Variants in LRRC56 observed in about 807,000 individuals in gnomAD.
LRRC56 encodes leucine-rich repeat-containing protein 56.
LRRC56 carries 41 observed loss-of-function variants against 47.8 expected under a neutral mutation model. The ratio of observed to expected loss-of-function variants is 0.86; its 90% confidence interval spans 0.67 to 1.11. The LOEUF is 1.11. LRRC56 is among the 50% of genes most tolerant of loss of function. The pLI is 0.00. For synonymous variants in LRRC56, 387 were observed against 311.2 expected, an observed-to-expected ratio of 1.24 and a Z score of -2.56; for missense variants, 759 against 704.2, an observed-to-expected ratio of 1.08 and a Z score of -0.88.
upstream of LRRC56, chr11:533,633 G>A (rs777920233): frequency 7.4e-6 from 12 of 1,613,574 alleles, no homozygotes; most frequent in Admixed American, 1.7e-5. Flanking sequence ...GAAAGCGAGA[G>A]CTGGCTACGG....
chr11:554,498 G>A lies in LRRC56; in HGVS notation c.*222G>A, dbSNP rs1235387736. The A allele has an allele frequency of 1.1e-5, 5 of 439,638 alleles. No homozygotes were observed. The highest frequency in any genetic ancestry group is 1.0e-4 in the African/African-American group (5 of 48,980). 27.2% of individuals were successfully genotyped at this position (439,638 alleles called of 1,614,324 possible). A position where few individuals can be genotyped will look rare whatever the true frequency, so the allele number is the denominator to read the frequency against. On this transcript the variant is annotated 3_prime_UTR_variant, in exon 14 of 14. Coordinates refer to ENST00000270115, the MANE Select transcript of LRRC56 (RefSeq NM_198075.4). ...CCCCCAACTGGGTTTGGCCTGGGGA[G>A]GGAGGGTCCGGCTCCCCAGCCCTTC... is the stretch of plus-strand genomic sequence containing the variant.
chr11:541,442 C>A lies in LRRC56; in HGVS notation c.178-95C>A. 2 of 666,540 alleles carry A rather than the reference C, an allele frequency of 3.0e-6. No homozygotes were observed. The highest frequency in any genetic ancestry group is 2.8e-5 in the South Asian group (1 of 35,584). The allele number at this position is 666,540 out of a possible 1,614,324, so 41.3% of individuals were successfully genotyped here. A position where few individuals can be genotyped will look rare whatever the true frequency, so the allele number is the denominator to read the frequency against. ...AGGCAGGGAAACGTCGGTGCCTGCT[C>A]CAGCGGGAGCCCCAGAGTCCTGTAG... On this transcript the variant is annotated intron_variant, in intron 4 of 13. Coordinates refer to ENST00000270115, the MANE Select transcript of LRRC56 (RefSeq NM_198075.4). This position sits in a 1 kb window ranked among gnomAD's most constrained non-coding sequence, Gnocchi z 4.1.
intron 13 of LRRC56, 82 bp from the exon 14 acceptor site, chr11:553,881 C>G (rs753010581): frequency 1.9e-4 from 254 of 1,310,814 alleles, no homozygotes; most frequent in Non-Finnish European, 2.2e-4. Flanking sequence ...TGCAGGGCCA[C>G]GGGTGGGCTG....
the LRRC56 span, among the ~76,000 whole-genome samples, chr11:508,110 A>T: frequency 6.6e-6 from 1 of 152,252 alleles, no homozygotes; most frequent in African/African-American, 2.4e-5. Flanking sequence ...AAGGAAACTA[A>T]CGGTATCTCA....
chr11:540,334 C>T (rs1316057491), intron 3 of LRRC56, among the ~76,000 whole-genome samples: 1 of 152,214 alleles, frequency 6.6e-6, no homozygotes, highest in Non-Finnish European at 1.5e-5. Context: ...ACCCCAGGCT[C>T]ACAGCCCCTG....
upstream of LRRC56, chr11:532,813 G>A (rs1851188956): frequency 9.0e-6 from 14 of 1,553,450 alleles, no homozygotes. Context: ...GCCTGGGTGA[G>A]GGGCTCCCTG....
chr11:532,722 C>T (rs1564787942), upstream of LRRC56: 3 of 1,613,150 alleles, frequency 1.9e-6, no homozygotes, highest in Non-Finnish European at 2.5e-6. Flanking sequence ...TGCCGGATCT[C>T]ACGCACCAAC....
At chr11:532,880 A>G (rs1354027513), upstream of LRRC56, 2 of 932,132 alleles carry the variant, frequency 2.1e-6, no homozygotes, top group Non-Finnish European at 3.4e-6. Context: ...CCACTTCCCC[A>G]GGCCCACCAC....
intron 5 of LRRC56, among the ~76,000 whole-genome samples, chr11:543,294 A>C (rs188112213): frequency 4.0e-5 from 6 of 151,498 alleles, no homozygotes; most frequent in African/African-American, 1.2e-4. Flanking sequence ...GGCTCACTGC[A>C]ACCTCAGCCT....
chr11:533,214 A>G (rs1851214478), upstream of LRRC56: 11 of 1,383,528 alleles, frequency 8.0e-6, no homozygotes, highest in African/African-American at 1.4e-5. Context: ...CCAGGACTGC[A>G]GGGCGTGAGC....
Position 552,665 on chromosome 11 carries a change from G to A in LRRC56, c.1278G>A (p.Glu426=). The change falls in exon 13 of 14, where the codon GAG becomes GAA. Residue 426 remains glutamate (E), a synonymous_variant. Coordinates refer to ENST00000270115, the MANE Select transcript of LRRC56 (RefSeq NM_198075.4). ...CTGAAGAGCAAGTGCACCAGGCAGA[G>A]CCCAAGACTCCCTCCAGCCCCCCAA... The part of the protein sequence containing the change: ...RVPEEQVHQA[E]PKTPSSPPSL... 1 of 1,611,318 alleles carries A rather than the reference G, an allele frequency of 6.2e-7. No individual in the cohort carries two copies. The highest frequency in any genetic ancestry group is 8.5e-7 in the Non-Finnish European group (1 of 1,179,146).
chr11:533,169 C>A, upstream of LRRC56: 1 of 1,057,186 alleles, frequency 9.5e-7, no homozygotes, highest in South Asian at 1.6e-5. Context: ...GCAGCTCTCC[C>A]CAAGGACCTC....
the LRRC56 span, among the ~76,000 whole-genome samples, chr11:511,029 G>A: frequency 6.6e-6 from 1 of 151,956 alleles, no homozygotes; most frequent in African/African-American, 2.4e-5. Context: ...CACGTGAAAT[G>A]GGAAAACACT....
chr11:539,827 G>A (rs1210734060), intron 3 of LRRC56, 101 bp downstream of exon 3: 2 of 152,426 alleles, frequency 1.3e-5, no homozygotes, highest in African/African-American at 4.8e-5. Context: ...CCTGGGGAGG[G>A]GCTCAGGAAG....
At chr11:507,747 G>A in the LRRC56 span, among the ~76,000 whole-genome samples, 1 of 152,258 alleles carries the variant, frequency 6.6e-6, no homozygotes, top group Non-Finnish European at 1.5e-5. Context: ...TTGGTAGAGG[G>A]GCTCGTTTGC....
upstream of LRRC56, chr11:533,756 C>G (rs769212136): frequency 6.2e-7 from 1 of 1,613,192 alleles, no homozygotes; most frequent in Non-Finnish European, 8.5e-7. Flanking sequence ...GCCAGCCTCA[C>G]GGGGTTCACC....
At chr11:517,515 G>A in the LRRC56 span, among the ~76,000 whole-genome samples, 21 of 150,256 alleles carry the variant, frequency 1.4e-4, no homozygotes, top group South Asian at 3.0e-3. Context: ...GGTGGGGAGC[G>A]CCTCTGCCCG....
At position 550,192 on chromosome 11, in the gene LRRC56, C is replaced by A. The variant is rs61736743; in HGVS notation, c.544C>A (p.Gln182Lys). The A allele has an allele frequency of 7.5e-3, 12,136 of 1,612,932 alleles. 64 individuals carry two copies. The highest frequency in any genetic ancestry group is 0.011 in the Admixed American group (687 of 59,980). ...GGACCTGGGGCAGGTGCGCTACTTG[C>A]AGCTGTGCCCACGCCTGGCCATGCT... ...VEDLGQVRYL[Q>K]LCPRLAMLTL... The change falls in exon 8 of 14, where the codon CAG (glutamine) becomes AAG (lysine). Residue 182 changes from glutamine to lysine, a missense_variant. Gln to Lys is a moderately conservative substitution (Grantham distance 53, BLOSUM62 1). Transcript: ENST00000270115.
At chr11:518,403 G>C in the LRRC56 span, among the ~76,000 whole-genome samples, 1 of 152,030 alleles carries the variant, frequency 6.6e-6, no homozygotes. Context: ...GGATGGTCTC[G>C]ATCTCCTGAC....
Sources: allele counts gnomAD v4.1 joint callset (sites outside exome capture counted in the v4.1 genomes callset), GRCh38; gene constraint gnomAD v4.1.1; non-coding constraint Gnocchi (gnomAD v3.1); transcripts MANE v1.5; gene names NCBI Gene and HGNC (gene_info 2026-07-23, HGNC 2026-07-21).